The following PDE10A variants were observed in gnomAD, a reference collection of about 807,000 sequenced individuals.
PDE10A encodes phosphodiesterase 10A.
PDE10A carries 39 observed loss-of-function variants against 97.7 expected under a neutral mutation model. The observed-to-expected ratio is 0.40, with a 90% CI of 0.31 to 0.52. The LOEUF (loss-of-function observed/expected upper bound fraction) is 0.52. PDE10A is among the 20% of genes least tolerant of loss of function. The pLI, the probability that PDE10A is intolerant of heterozygous loss-of-function variation, is 0.56. For synonymous variants in PDE10A, 371 were observed against 376.8 expected, an observed-to-expected ratio of 0.98 and a Z score of 0.18; for missense variants, 731 against 1,047.8, an observed-to-expected ratio of 0.70 and a Z score of 4.17.
intron 5 of PDE10A, among the ~76,000 whole-genome samples, chr6:165,436,509 T>C (rs1277270898): frequency 6.6e-6 from 1 of 152,194 alleles, no homozygotes; most frequent in Non-Finnish European, 1.5e-5. Flanking sequence ...CCTTGGGTAC[T>C]TGAAATTAAT....
At chr6:165,645,855 A>G (rs1789369907) in intron 1 of PDE10A, among the ~76,000 whole-genome samples, 1 of 114,082 alleles carries the variant, frequency 8.8e-6, no homozygotes. Flanking sequence ...CTCCATCTCA[A>G]AAAAAAAAAA....
chr6:165,932,184 G>T (rs1368958827), intron 1 of PDE10A, among the ~76,000 whole-genome samples: 1 of 152,220 alleles, frequency 6.6e-6, no homozygotes, highest in African/African-American at 2.4e-5. Context: ...GTCTTTGGTG[G>T]AGACTCATGA....
rs190300448 is a variant in PDE10A, at chr6:165,958,768, G to A, written c.-615+28761C>T. 2.6e-3 allele frequency among the ~76,000 whole-genome samples: 267 copies of A among 102,964 alleles called. 1 individual carries two copies. The highest frequency in any genetic ancestry group is 8.7e-3 in the African/African-American group (255 of 29,450). 67.5% of individuals were successfully genotyped at this position (102,964 alleles called of 152,430 possible). On this transcript the variant is annotated intron_variant, in intron 1 of 19. Coordinates refer to the PDE10A transcript ENST00000366882. ...GAAAGAGAAAGAAAGAAAGAAAGAAGAAAGCAAGCCAGCCATGCCTCCCGA... is the reference window on the plus strand; with the variant it reads ...GAAAGAGAAAGAAAGAAAGAAAGAAAAAAGCAAGCCAGCCATGCCTCCCGA...
At chr6:165,429,710 T>C (rs1032555032) in intron 9 of PDE10A, among the ~76,000 whole-genome samples, 1 of 152,188 alleles carries the variant, frequency 6.6e-6, no homozygotes, top group Admixed American at 6.6e-5. Context: ...GTCAGATATA[T>C]AGATGCAGAC....
chr6:165,907,201 C>T (rs1021085165), intron 1 of PDE10A, among the ~76,000 whole-genome samples: 4 of 152,224 alleles, frequency 2.6e-5, no homozygotes, highest in East Asian at 1.9e-4. Flanking sequence ...AAGGCTCCAT[C>T]GCCCAGAGTC....
intron 12 of PDE10A, 43 bp downstream of exon 12, chr6:165,416,146 C>A (rs1788295751): frequency 7.9e-7 from 1 of 1,266,614 alleles, no homozygotes; most frequent in Middle Eastern, 1.9e-4. Flanking sequence ...AGTGGGACAT[C>A]ACAGAAGAAA....
chr6:165,659,536 C>T (rs1199664941), intron 1 of PDE10A, among the ~76,000 whole-genome samples: 1 of 152,122 alleles, frequency 6.6e-6, no homozygotes, highest in African/African-American at 2.4e-5. Flanking sequence ...TAATCTATCC[C>T]CTTCCCAAGC....
intron 1 of PDE10A, among the ~76,000 whole-genome samples, chr6:165,767,166 T>C (rs946798347): frequency 6.6e-6 from 1 of 152,212 alleles, no homozygotes; most frequent in African/African-American, 2.4e-5. Flanking sequence ...TTAAGTTCCC[T>C]AAAAGACTGG....
intron 2 of PDE10A, among the ~76,000 whole-genome samples, chr6:165,509,593 T>TA (rs1167961984): frequency 1.3e-5 from 2 of 151,886 alleles, no homozygotes; most frequent in East Asian, 1.9e-4. Flanking sequence ...AGGATTTTTT[T>TA]TTTTTATTTT....
Position 165,919,559 on chromosome 6 carries a change from ATCC to A in PDE10A, c.-615+67967_-615+67969del, listed in dbSNP as rs150192712. The stretch of plus-strand genomic sequence containing the variant: ...ACAAGGCACATAAAGTCTCTGCTGT[ATCC>A]TCCTTCTTGTTCTTGCTCTTCCTCC... On this transcript the variant is annotated intron_variant, in intron 1 of 19. Transcript: ENST00000366882. Among the ~76,000 whole-genome samples the A allele has an allele frequency of 1.7e-3, 266 of 152,298 alleles. 2 individuals carry two copies. Among genetic ancestry groups the A allele is most frequent in the African/African-American group, 6.1e-3 (254 of 41,558 alleles).
At chr6:165,471,928 C>T (rs1041934225) in intron 3 of PDE10A, among the ~76,000 whole-genome samples, 4 of 152,142 alleles carry the variant, frequency 2.6e-5, no homozygotes, top group Non-Finnish European at 5.9e-5. Flanking sequence ...TTAACAGTCT[C>T]TTAATTTAAT....
At chr6:165,401,615 T>G (rs1263940344) in intron 13 of PDE10A, among the ~76,000 whole-genome samples, 1 of 152,184 alleles carries the variant, frequency 6.6e-6, no homozygotes, top group Non-Finnish European at 1.5e-5. Context: ...GTGATTTTTT[T>G]TCTAACTGAT....
intron 13 of PDE10A, among the ~76,000 whole-genome samples, chr6:165,407,661 A>C (rs1787314867): frequency 1.3e-5 from 2 of 152,168 alleles, no homozygotes; most frequent in African/African-American, 4.8e-5. Context: ...TTAATAGCAA[A>C]TTTTGTTCAT....
intron 16 of PDE10A, among the ~76,000 whole-genome samples, chr6:165,390,050 C>T (rs1785578948): frequency 6.6e-6 from 1 of 151,980 alleles, no homozygotes. Context: ...GTGTTAGTAA[C>T]AATCACAATC....
rs1179730190 is a variant in PDE10A, at chr6:165,339,298, C to T, written c.2956G>A (p.Asp986Asn). The T allele has an allele frequency of 3.1e-6, 5 of 1,604,002 alleles. No homozygotes were observed. The highest frequency in any genetic ancestry group is 4.3e-6 in the Non-Finnish European group (5 of 1,171,404). Residue 986 changes from aspartate (D) to asparagine (N), a missense_variant, in exon 20 of 22, where the codon GAT (aspartate) becomes AAT (asparagine). By Grantham distance (23) the Asp-to-Asn change is conservative. Around this residue, in one of 8 missense-constraint regions of PDE10A, gnomAD observed 96 missense variants for 156.7 expected, o/e 0.61. Coordinates refer to ENST00000539869, the MANE Select transcript of PDE10A (RefSeq NM_001385079.1). ...CATACCTGGCCTTGGGGGACTTCAT[C>T]CTTCTTGTCTCTGTCCATCATAGGA... ...PIPMMDRDKKDEVPQGQLGFY... is the reference protein window; with the variant it reads ...PIPMMDRDKKNEVPQGQLGFY...
intron 1 of PDE10A, among the ~76,000 whole-genome samples, chr6:165,833,997 A>T (rs950612977): frequency 6.6e-6 from 1 of 152,236 alleles, no homozygotes; most frequent in African/African-American, 2.4e-5. Context: ...CCCCAGCAGC[A>T]CATACTAGAG....
chr6:165,590,912 G>T (rs543743166), intron 1 of PDE10A, among the ~76,000 whole-genome samples: 1 of 151,960 alleles, frequency 6.6e-6, no homozygotes, highest in Non-Finnish European at 1.5e-5. Flanking sequence ...AAAAAAATTA[G>T]ACATTTAACT....
At chr6:165,565,198 A>AT (rs762653503) in intron 1 of PDE10A, among the ~76,000 whole-genome samples, 1 of 152,148 alleles carries the variant, frequency 6.6e-6, no homozygotes, top group Admixed American at 6.5e-5. Flanking sequence ...ATATAGAAAA[A>AT]TTTTTTTAAA....
intron 1 of PDE10A, among the ~76,000 whole-genome samples, chr6:165,603,260 C>T (rs778198552): frequency 3.9e-5 from 6 of 152,270 alleles, no homozygotes; most frequent in Non-Finnish European, 8.8e-5. Flanking sequence ...CTGCAAGAGA[C>T]GTCTGCAGTT....
Sources: allele counts gnomAD v4.1 joint callset (sites outside exome capture counted in the v4.1 genomes callset), GRCh38; gene constraint gnomAD v4.1.1; regional missense constraint gnomAD v4.1.1; transcripts MANE v1.5; gene names NCBI Gene and HGNC (gene_info 2026-07-23, HGNC 2026-07-21).